DGKB: variants seen among roughly 807,000 people sequenced by gnomAD.
The protein encoded by DGKB is diacylglycerol kinase beta.
Under a neutral mutation model 114.3 loss-of-function variants are expected in DGKB, and 67 were observed. That is an observed-to-expected ratio of 0.59 (90% CI 0.48 to 0.72). DGKB has a LOEUF of 0.72. Among genes scored for constraint, DGKB ranks in the 30% least tolerant of loss-of-function variants. The probability of loss-of-function intolerance (pLI) is 0.00; values close to 1 mark genes in which losing one functional copy is unlikely to be tolerated. For synonymous variants in DGKB, 398 were observed against 323.1 expected (o/e 1.23, Z -2.49); for missense variants, 907 against 975.2 (o/e 0.93, Z 0.93).
chr7:14,553,663 T>C (rs1373341136), intron 20 of DGKB, among the ~76,000 whole-genome samples: 1 of 152,166 alleles, frequency 6.6e-6, no homozygotes, highest in Non-Finnish European at 1.5e-5. Context: ...ATGGTATGTA[T>C]GGGTTTACAA....
chr7:14,331,428 T>C (rs1218685020), intron 23 of DGKB, among the ~76,000 whole-genome samples: 1 of 152,000 alleles, frequency 6.6e-6, no homozygotes, highest in Non-Finnish European at 1.5e-5. Flanking sequence ...CATCTACAGT[T>C]CTAAAATGAA....
intron 1 of DGKB, among the ~76,000 whole-genome samples, chr7:14,945,195 A>G (rs1785803236): frequency 6.6e-6 from 1 of 151,866 alleles, no homozygotes; most frequent in Non-Finnish European, 1.5e-5. Flanking sequence ...AATGACAGGT[A>G]TAAGTCTTCA....
chr7:14,534,772 T>C (rs920076265), intron 20 of DGKB, among the ~76,000 whole-genome samples: 2 of 152,162 alleles, frequency 1.3e-5, no homozygotes, highest in African/African-American at 4.8e-5. Context: ...ACACAGAATA[T>C]TCTCTGGGAT....
At chr7:14,708,558 C>A (rs545470028) in intron 6 of DGKB, among the ~76,000 whole-genome samples, 1 of 151,438 alleles carries the variant, frequency 6.6e-6, no homozygotes. Flanking sequence ...TACCTGACTT[C>A]AAACTATACT....
intron 20 of DGKB, among the ~76,000 whole-genome samples, chr7:14,567,131 TTA>T (rs1246209854): frequency 3.8e-4 from 41 of 107,770 alleles, no homozygotes; most frequent in Admixed American, 1.9e-3. Flanking sequence ...AAATATATAA[TTA>T]TATGTTTATA....
chr7:14,549,078 T>C (rs982968514), intron 20 of DGKB, among the ~76,000 whole-genome samples: 2 of 151,870 alleles, frequency 1.3e-5, no homozygotes, highest in African/African-American at 2.4e-5. Flanking sequence ...AAAAGTAAAG[T>C]TAGAAAATCT....
In DGKB at chr7:14,729,123, C is replaced by CTT. The variant is rs1162368398; in HGVS notation, c.322+6916_322+6917dup. 4.2e-3 allele frequency among the ~76,000 whole-genome samples: 472 copies of CTT among 113,360 alleles called. 15 individuals are homozygous for CTT. The highest frequency in any genetic ancestry group is 0.013 in the African/African-American group (369 of 27,438). The allele number at this position is 113,360 out of a possible 152,430, so 74.4% of individuals were successfully genotyped here. Reference sequence around the variant, plus strand: ...AATGGAAACGGGTTTCATTTTCTTTCTTTTTTTTTTTTTTTTTTTGATGGA... The same window carrying CTT: ...AATGGAAACGGGTTTCATTTTCTTTCTTTTTTTTTTTTTTTTTTTTTGATGGA... On this transcript the variant is annotated intron_variant, in intron 5 of 25. Coordinates refer to ENST00000402815, the MANE Select transcript of DGKB (RefSeq NM_001350709.2).
At chr7:14,591,482 A>T (rs1447926293) in intron 17 of DGKB, among the ~76,000 whole-genome samples, 1 of 152,052 alleles carries the variant, frequency 6.6e-6, no homozygotes, top group African/African-American at 2.4e-5. Context: ...ATGTATCTCC[A>T]ATAGCTATAT....
intron 20 of DGKB, among the ~76,000 whole-genome samples, chr7:14,565,377 G>A (rs975181602): frequency 2.0e-5 from 3 of 152,248 alleles, no homozygotes; most frequent in African/African-American, 7.2e-5. Context: ...ACAGACTTGT[G>A]AATAATAAAA....
rs941558576 is a variant in DGKB at position 14,454,214 on chromosome 7, CT to C, written c.1835+23946del. On this transcript the variant is annotated intron_variant, in intron 21 of 25. Coordinates refer to ENST00000402815, the MANE Select transcript of DGKB (RefSeq NM_001350709.2). ...ATTATTGTTAACTATACTTTTCCTA[CT>C]GTAGTATTGAATACTACAACTTATT... Among the ~76,000 whole-genome samples, 14 of 152,252 alleles carry C rather than the reference CT, an allele frequency of 9.2e-5. No homozygotes were observed. The South Asian group carries it at 2.7e-3, about 29-fold the overall frequency.
chr7:14,839,815 A>G (rs1847672807), intron 2 of DGKB, among the ~76,000 whole-genome samples: 2 of 152,156 alleles, frequency 1.3e-5, no homozygotes, highest in Admixed American at 6.5e-5. Flanking sequence ...GACTCAGTCA[A>G]TAGTCATAGA....
At chr7:14,781,334 C>T (rs908375925) in intron 2 of DGKB, among the ~76,000 whole-genome samples, 1 of 152,188 alleles carries the variant, frequency 6.6e-6, no homozygotes, top group Admixed American at 6.5e-5. Flanking sequence ...CATAAGTACA[C>T]TTTGATTTTC....
intron 21 of DGKB, among the ~76,000 whole-genome samples, chr7:14,462,576 TC>T (rs1833243030): frequency 1.3e-5 from 2 of 151,372 alleles, no homozygotes. Context: ...GGAGAACTGC[TC>T]AGGGAAATAG....
upstream of DGKB, among the ~76,000 whole-genome samples, chr7:14,907,537 T>G (rs2128242225): frequency 6.6e-6 from 1 of 152,366 alleles, no homozygotes; most frequent in Non-Finnish European, 1.5e-5. Context: ...GCATGTGCGC[T>G]TACATGTATA....
At chr7:14,760,690 A>G (rs533303157) in intron 2 of DGKB, among the ~76,000 whole-genome samples, 1 of 152,248 alleles carries the variant, frequency 6.6e-6, no homozygotes, top group East Asian at 1.9e-4. Flanking sequence ...TCTTAGGCCA[A>G]TGATAAAATG....
At chr7:14,320,852 G>A (rs997781206) in intron 23 of DGKB, among the ~76,000 whole-genome samples, 3 of 151,532 alleles carry the variant, frequency 2.0e-5, no homozygotes, top group African/African-American at 7.3e-5. Flanking sequence ...TGACATGATA[G>A]GAAAAATAAT....
chr7:14,964,630 A>G (rs1234511451), intron 1 of DGKB, among the ~76,000 whole-genome samples: 1 of 152,210 alleles, frequency 6.6e-6, no homozygotes, highest in Non-Finnish European at 1.5e-5. Context: ...TTAATCTATC[A>G]TAATTGGAAG....
At chr7:14,527,593 T>C (rs1044548305) in intron 20 of DGKB, among the ~76,000 whole-genome samples, 1 of 152,116 alleles carries the variant, frequency 6.6e-6, no homozygotes, top group African/African-American at 2.4e-5. Context: ...CTTGACTCTA[T>C]ATAAATCATT....
At chr7:14,721,767 G>C (rs189571065) in intron 5 of DGKB, among the ~76,000 whole-genome samples, 1 of 152,214 alleles carries the variant, frequency 6.6e-6, no homozygotes, top group African/African-American at 2.4e-5. Flanking sequence ...ATGATTTATA[G>C]AGTGCACTGA....
Sources: gnomAD v4.1 joint callset for allele counts (sites outside exome capture counted in the v4.1 genomes callset) on GRCh38, gnomAD v4.1.1 for gene constraint, MANE v1.5 for transcripts, NCBI Gene and HGNC (gene_info 2026-07-23, HGNC 2026-07-21) for gene names.